The following SPIRE1 variants were observed in gnomAD, a reference collection of about 807,000 sequenced individuals.
The protein encoded by SPIRE1 is spire type actin nucleation factor 1.
In SPIRE1, 40 loss-of-function variants were observed where a neutral mutation model predicts 94.1. That is an observed-to-expected ratio of 0.43 (90% CI 0.33 to 0.55). The LOEUF (loss-of-function observed/expected upper bound fraction) is 0.55, where lower values mean the gene tolerates loss of function less well. SPIRE1 is among the 20% of genes least tolerant of loss of function. SPIRE1 has a pLI of 0.06. For synonymous variants in SPIRE1, 376 were observed against 371.7 expected, an observed-to-expected ratio of 1.01 and a Z score of -0.13; for missense variants, 838 against 975.2, an observed-to-expected ratio of 0.86 and a Z score of 1.87.
At chr18:12,548,761 C>T (rs1290978410) in intron 2 of SPIRE1, among the ~76,000 whole-genome samples, 4 of 152,004 alleles carry the variant, frequency 2.6e-5, no homozygotes, top group Non-Finnish European at 5.9e-5. Flanking sequence ...AACAGGTACA[C>T]ACCACCAGGC....
chr18:12,648,936 T>G (rs940717781), intron 1 of SPIRE1, among the ~76,000 whole-genome samples: 8 of 145,930 alleles, frequency 5.5e-5, no homozygotes, highest in African/African-American at 1.7e-4. Flanking sequence ...ATAGAAAAAC[T>G]GGGGAAACCC....
At position 12,641,340 on chromosome 18, in the gene SPIRE1, T is replaced by G. The variant is rs568911370; in HGVS notation, c.338-6244A>C. The stretch of plus-strand genomic sequence containing the variant: ...GCTGAAATTTAGCAATAAAAAAATT[T>G]CTACAGCCTAATCATACCCGAATTT... On this transcript the variant is annotated intron_variant, in intron 1 of 16. Transcript: ENST00000409402. Among the ~76,000 whole-genome samples, 3 of 152,070 alleles carry G rather than the reference T, an allele frequency of 2.0e-5. No individual in the cohort carries two copies. In the East Asian group the frequency reaches 5.8e-4, roughly 29 times the overall value.
chr18:12,619,557 A>C lies in SPIRE1; in HGVS notation c.372+15505T>G, dbSNP rs578184263. ...TAAAAATAAAAATAAAAAATAAAAA[A>C]ATAAACACAGGCTAGGCGCAGTGGC... On this transcript the variant is annotated intron_variant, in intron 2 of 16. Transcript: ENST00000409402. 1.5e-3 allele frequency among the ~76,000 whole-genome samples: 222 copies of C among 152,096 alleles called. 2 individuals are homozygous for C. Among genetic ancestry groups the C allele is most frequent in the African/African-American group, 5.0e-3 (209 of 41,552 alleles).
chr18:12,651,328 TG>T (rs1555637759), intron 1 of SPIRE1, among the ~76,000 whole-genome samples: 1 of 152,140 alleles, frequency 6.6e-6, no homozygotes, highest in Non-Finnish European at 1.5e-5. Context: ...TTTCCTTTAA[TG>T]ATCAGGATGG....
intron 9 of SPIRE1, 104 bp from the exon 10 acceptor site, chr18:12,479,975 G>C (rs1372577671): frequency 1.8e-6 from 2 of 1,093,154 alleles, no homozygotes; most frequent in African/African-American, 3.1e-5. Context: ...ACAGAGGCTT[G>C]ATTCAGTAAC....
chr18:12,524,061 A>G lies in SPIRE1; in HGVS notation c.729+11415T>C, dbSNP rs535677221. Among the ~76,000 whole-genome samples, 19 of 152,322 alleles carry G rather than the reference A, an allele frequency of 1.2e-4. No individual in the cohort carries two copies. The South Asian group carries it at 1.7e-3, about 13-fold the overall frequency. ...AATTTGTATGACTTGCTTTATTGCA[A>G]TATTTGTTTCATTGCAGTGGTTTGG... is the stretch of plus-strand genomic sequence containing the variant. On this transcript the variant is annotated intron_variant, in intron 4 of 16. Transcript: ENST00000409402.
intron 4 of SPIRE1, among the ~76,000 whole-genome samples, chr18:12,533,971 CT>C (rs1202492418): frequency 1.6e-5 from 2 of 122,100 alleles, no homozygotes; most frequent in African/African-American, 3.7e-5. Flanking sequence ...ACACACACAA[CT>C]TATTTATTCT....
chr18:12,539,938 A>G (rs1020319713), intron 3 of SPIRE1, among the ~76,000 whole-genome samples: 3 of 151,646 alleles, frequency 2.0e-5, no homozygotes, highest in East Asian at 1.9e-4. Context: ...AAAAAAAAAA[A>G]AAAAGAAAAG....
chr18:12,517,925 T>C lies in SPIRE1; in HGVS notation c.730-5394A>G, dbSNP rs1452918134. Among the ~76,000 whole-genome samples the C allele has an allele frequency of 2.6e-5, 4 of 152,330 alleles. No individual in the cohort carries two copies. In the East Asian group the frequency reaches 7.7e-4, roughly 29 times the overall value. On this transcript the variant is annotated intron_variant, in intron 4 of 16. Coordinates refer to ENST00000409402, the MANE Select transcript of SPIRE1 (RefSeq NM_001128626.2). ...ACCATTTCCACCATTTAAACTATCT[T>C]ATTTCCCTATGCCATGTGTACATGT... is the stretch of plus-strand genomic sequence containing the variant.
chr18:12,453,064 T>A lies in SPIRE1; in HGVS notation c.1847+4A>T. On this transcript the variant is annotated splice_donor_region_variant and intron_variant, in intron 14 of 16. Coordinates refer to ENST00000409402, the MANE Select transcript of SPIRE1 (RefSeq NM_001128626.2). ...ATCTTTTCATCAATTACAAAATACC[T>A]TACCTCTTACAGAACTGACAGGTAT... 1 of 1,564,376 alleles carries A rather than the reference T, an allele frequency of 6.4e-7. No individual in the cohort carries two copies.
At chr18:12,488,641 A>G (rs1217813937) in intron 8 of SPIRE1, among the ~76,000 whole-genome samples, 1 of 152,220 alleles carries the variant, frequency 6.6e-6, no homozygotes, top group Admixed American at 6.5e-5. Flanking sequence ...TTTACATCCC[A>G]AGCACACATT....
intron 4 of SPIRE1, among the ~76,000 whole-genome samples, chr18:12,522,601 G>C (rs2034393316): frequency 6.6e-6 from 1 of 152,218 alleles, no homozygotes; most frequent in South Asian, 2.1e-4. Flanking sequence ...TTCATAGCTA[G>C]AGAGAAATCA....
intron 4 of SPIRE1, among the ~76,000 whole-genome samples, chr18:12,521,198 AT>A (rs1239747764): frequency 6.6e-6 from 1 of 152,190 alleles, no homozygotes; most frequent in Admixed American, 6.6e-5. Flanking sequence ...TAGGTAAAAT[AT>A]TTTTTAGTTT....
chr18:12,524,141 T>C (rs568902338), intron 4 of SPIRE1, among the ~76,000 whole-genome samples: 1 of 152,324 alleles, frequency 6.6e-6, no homozygotes, highest in African/African-American at 2.4e-5. Context: ...ACAAAGTTTC[T>C]CTATATGTAT....
chr18:12,627,103 T>C (rs1271367037), intron 2 of SPIRE1, among the ~76,000 whole-genome samples: 1 of 152,058 alleles, frequency 6.6e-6, no homozygotes. Context: ...CTTTAAGTTC[T>C]AGGGTACATG....
chr18:12,546,366 C>T (rs1440192560), intron 3 of SPIRE1, among the ~76,000 whole-genome samples: 1 of 152,076 alleles, frequency 6.6e-6, no homozygotes, highest in African/African-American at 2.4e-5. Context: ...GACACAGTGG[C>T]TCATTTCTGT....
In SPIRE1 at chr18:12,492,927, CGA is replaced by C. The variant is rs571267535; in HGVS notation, c.1189+143_1189+144del. The C allele has an allele frequency of 1.8e-5, 16 of 889,592 alleles. No homozygotes were observed. The South Asian group carries it at 2.9e-4, about 16-fold the overall frequency. 55.1% of individuals were successfully genotyped at this position (889,592 alleles called of 1,614,324 possible). ...GAGAGAGTGAGAGGGGGTATGTATACGAGAGAGTGAGAGGGAGAACAAGTGAG... is the reference window on the plus strand; with the variant it reads ...GAGAGAGTGAGAGGGGGTATGTATACGAGAGTGAGAGGGAGAACAAGTGAG... On this transcript the variant is annotated intron_variant, in intron 8 of 16. Transcript: ENST00000409402.
intron 2 of SPIRE1, among the ~76,000 whole-genome samples, chr18:12,552,090 A>AGC (rs1162127760): frequency 6.6e-6 from 1 of 152,260 alleles, no homozygotes; most frequent in East Asian, 1.9e-4. Context: ...CATTAAGACC[A>AGC]GCGCTAGCCA....
chr18:12,451,313 A>T (rs2044996334), intron 16 of SPIRE1, among the ~76,000 whole-genome samples: 1 of 151,716 alleles, frequency 6.6e-6, no homozygotes, highest in Admixed American at 6.6e-5. Context: ...AATTCCCTGT[A>T]TTTGTGCGAT....
Sources: allele counts gnomAD v4.1 joint callset (sites outside exome capture counted in the v4.1 genomes callset), GRCh38; gene constraint gnomAD v4.1.1; transcripts MANE v1.5; gene names NCBI Gene and HGNC (gene_info 2026-07-23, HGNC 2026-07-21).